Variants in DLGAP2 observed in about 807,000 individuals in gnomAD.
The protein encoded by DLGAP2 is disks large-associated protein 2.
In DLGAP2, 26 loss-of-function variants were observed where a neutral mutation model predicts 100.3. The observed-to-expected ratio is 0.26, with a 90% confidence interval of 0.19 to 0.36. The LOEUF (loss-of-function observed/expected upper bound fraction) is 0.36. Ranked by LOEUF, DLGAP2 falls within the 10% of genes least tolerant of loss-of-function variation. DLGAP2 has a pLI of 1.00. For synonymous variants in DLGAP2, 886 were observed against 630.1 expected, an observed-to-expected ratio of 1.41 and a Z score of -6.08; for missense variants, 1,858 against 1,453.2, an observed-to-expected ratio of 1.28 and a Z score of -4.53.
chr8:1,299,022 G>C lies in DLGAP2; in HGVS notation c.106+40139G>C, dbSNP rs1800264277. On this transcript the variant is annotated intron_variant, in intron 3 of 14. Coordinates refer to ENST00000637795, the MANE Select transcript of DLGAP2 (RefSeq NM_001346810.2). ...CCCAAGGGAGCAAAGGTGGGCAAAG[G>C]CTGTTACTGCCATCCGTCTAGACCA... Among the ~76,000 whole-genome samples, 3 of 152,212 alleles carry C rather than the reference G, an allele frequency of 2.0e-5. No individual in the cohort carries two copies. The South Asian group carries it at 6.2e-4, about 32-fold the overall frequency.
At chr8:1,157,854 C>T (rs1796820500) in intron 2 of DLGAP2, among the ~76,000 whole-genome samples, 1 of 152,168 alleles carries the variant, frequency 6.6e-6, no homozygotes, top group Non-Finnish European at 1.5e-5. Context: ...AAAGCATGTC[C>T]CAGGCGCTAT....
chr8:1,179,562 G>A (rs1797336558), intron 2 of DLGAP2, among the ~76,000 whole-genome samples: 1 of 152,258 alleles, frequency 6.6e-6, no homozygotes, highest in Admixed American at 6.5e-5. Context: ...ACTCAAGACG[G>A]TGGAATTAAT....
At chr8:1,050,286 AG>A (rs1485332557) in intron 2 of DLGAP2, among the ~76,000 whole-genome samples, 1 of 152,254 alleles carries the variant, frequency 6.6e-6, no homozygotes, top group Admixed American at 6.5e-5. Flanking sequence ...AACATGATAC[AG>A]GTTTCCTGAA....
At chr8:939,046 C>T (rs931937438) in intron 2 of DLGAP2, among the ~76,000 whole-genome samples, 22 of 152,268 alleles carry the variant, frequency 1.4e-4, no homozygotes, top group East Asian at 3.9e-4. Flanking sequence ...AGCGGGATCA[C>T]GGCCCCTGCC....
chr8:831,487 T>C (rs1796782623), intron 1 of DLGAP2, among the ~76,000 whole-genome samples: 1 of 152,160 alleles, frequency 6.6e-6, no homozygotes, highest in Non-Finnish European at 1.5e-5. Context: ...GTCCTTGTGA[T>C]AGTTTGCTGA....
intron 1 of DLGAP2, among the ~76,000 whole-genome samples, chr8:815,301 C>G (rs1796455712): frequency 6.6e-6 from 1 of 152,208 alleles, no homozygotes; most frequent in Non-Finnish European, 1.5e-5. Context: ...TGTGTCCTCA[C>G]TTGGCGGAGG....
chr8:1,158,978 A>G (rs1796842697), intron 2 of DLGAP2, among the ~76,000 whole-genome samples: 2 of 152,214 alleles, frequency 1.3e-5, no homozygotes, highest in African/African-American at 2.4e-5. Context: ...AGAACTTTGT[A>G]TGTTTTTCTC....
intron 12 of DLGAP2, among the ~76,000 whole-genome samples, chr8:1,689,360 G>A (rs1211380364): frequency 6.6e-6 from 1 of 152,212 alleles, no homozygotes; most frequent in African/African-American, 2.4e-5. Flanking sequence ...CATGTGTCTA[G>A]GCAAAACCTC....
At chr8:1,097,619 C>G (rs1049327006) in intron 2 of DLGAP2, among the ~76,000 whole-genome samples, 1 of 139,576 alleles carries the variant, frequency 7.2e-6, no homozygotes, top group Non-Finnish European at 1.5e-5. Context: ...CAGTGTGAGA[C>G]CCAGCTCCCT....
chr8:987,753 T>G (rs928245160), intron 2 of DLGAP2, among the ~76,000 whole-genome samples: 7 of 151,956 alleles, frequency 4.6e-5, no homozygotes, highest in African/African-American at 1.7e-4. Flanking sequence ...ACCAAGGCAG[T>G]TGCTATTTAA....
intron 1 of DLGAP2, among the ~76,000 whole-genome samples, chr8:869,173 AGTCAGTTCATTTGT>A (rs1307178837): frequency 1.3e-5 from 2 of 152,036 alleles, no homozygotes; most frequent in Non-Finnish European, 2.9e-5. Flanking sequence ...TGTAATTTTG[AGTCAGTTCATTTGT>A]TTTCCCTGTG....
At chr8:1,277,118 C>A (rs1339537660) in intron 3 of DLGAP2, among the ~76,000 whole-genome samples, 2 of 152,128 alleles carry the variant, frequency 1.3e-5, no homozygotes, top group Non-Finnish European at 2.9e-5. Context: ...TATCTGCATG[C>A]TCATTCATGA....
At chr8:1,584,387 G>T (rs961447685) in intron 6 of DLGAP2, among the ~76,000 whole-genome samples, 4 of 152,164 alleles carry the variant, frequency 2.6e-5, no homozygotes, top group Admixed American at 1.3e-4. Flanking sequence ...CAGACTCCTC[G>T]TGCATGCCAC....
chr8:1,251,119 G>C (rs1332130920), intron 2 of DLGAP2, among the ~76,000 whole-genome samples: 1 of 152,136 alleles, frequency 6.6e-6, no homozygotes, highest in Non-Finnish European at 1.5e-5. Context: ...ATTCTTGTCT[G>C]CCTTCCCTAA....
chr8:761,294 C>T (rs1402377351), intron 1 of DLGAP2, among the ~76,000 whole-genome samples: 1 of 152,168 alleles, frequency 6.6e-6, no homozygotes, highest in Non-Finnish European at 1.5e-5. Context: ...TTCTTTCTTT[C>T]TGAACTCCTT....
intron 2 of DLGAP2, among the ~76,000 whole-genome samples, chr8:1,122,627 T>C (rs897269090): frequency 1.3e-5 from 2 of 151,620 alleles, no homozygotes; most frequent in African/African-American, 2.4e-5. Context: ...AAAATACATA[T>C]TGGTTTTTAT....
In DLGAP2 at chr8:1,565,818, A is replaced by T. The variant is rs1802374604; in HGVS notation, c.1366A>T (p.Thr456Ser). The change falls in exon 6 of 15, where the codon ACA becomes TCA. Residue 456 changes from threonine to serine, a missense_variant. By Grantham distance (58) the Thr-to-Ser change is moderately conservative (BLOSUM62 1). Coordinates refer to ENST00000637795, the MANE Select transcript of DLGAP2 (RefSeq NM_001346810.2). ...CGGAGAGTCAGACTCCAGCCCCAAGACATCACCAAAGTCGGCAATCCTACC... is the reference window on the plus strand; with the variant it reads ...CGGAGAGTCAGACTCCAGCCCCAAGTCATCACCAAAGTCGGCAATCCTACC... ...ESGESDSSPK[T>S]SPKSAILPEP... 1 of 1,613,700 alleles carries T rather than the reference A, an allele frequency of 6.2e-7. No individual in the cohort carries two copies. Among genetic ancestry groups the T allele is most frequent in the African/African-American group, 1.3e-5 (1 of 74,902 alleles).
chr8:1,202,095 T>A (rs1797889413), intron 2 of DLGAP2, among the ~76,000 whole-genome samples: 1 of 152,130 alleles, frequency 6.6e-6, no homozygotes, highest in South Asian at 2.1e-4. Flanking sequence ...TGTGCAAGTG[T>A]GCACATGTGT....
chr8:1,604,470 G>T (rs903951297), intron 6 of DLGAP2: 47 of 151,970 alleles, frequency 3.1e-4, no homozygotes, highest in African/African-American at 9.2e-4. Context: ...TTAAAATTTG[G>T]ATTTGGGGCT....
Sources: gnomAD v4.1 joint callset for allele counts (sites outside exome capture counted in the v4.1 genomes callset) on GRCh38, gnomAD v4.1.1 for gene constraint, MANE v1.5 for transcripts, NCBI Gene and HGNC (gene_info 2026-07-23, HGNC 2026-07-21) for gene names.